The following GALM variants were observed in gnomAD, a reference collection of about 807,000 sequenced individuals.
The protein encoded by GALM is galactose mutarotase.
In GALM, 43 loss-of-function variants were observed where a neutral mutation model predicts 37.4. The ratio of observed to expected loss-of-function variants is 1.15; its 90% CI spans 0.90 to 1.48. The LOEUF is 1.48. GALM is among the 40% of genes most tolerant of loss of function. The probability of loss-of-function intolerance (pLI) is 0.00; values close to 1 mark genes in which losing one functional copy is unlikely to be tolerated. For missense variants in GALM, 456 were observed against 419.1 expected (o/e 1.09, Z -0.77); for synonymous variants, 199 against 170.6 (o/e 1.17, Z -1.30).
At chr2:38,673,809 CAA>C (rs373671218) in intron 1 of GALM, among the ~76,000 whole-genome samples, 15 of 84,456 alleles carry the variant, frequency 1.8e-4, no homozygotes, top group Admixed American at 4.0e-4. Context: ...GACTCCGTCT[CAA>C]AAAAAAAAAA....
At chr2:38,697,864 C>T (rs979645734) in intron 4 of GALM, among the ~76,000 whole-genome samples, 1 of 152,148 alleles carries the variant, frequency 6.6e-6, no homozygotes, top group Non-Finnish European at 1.5e-5. Flanking sequence ...TAGACCTCTA[C>T]CCCAGGCAGG....
intron 3 of GALM, among the ~76,000 whole-genome samples, chr2:38,683,570 C>T (rs1474503443): frequency 6.6e-6 from 1 of 151,686 alleles, no homozygotes; most frequent in East Asian, 1.9e-4. Context: ...TTAGATTGTC[C>T]TCTTTTTTTT....
At chr2:38,724,731 C>A (rs754124391) in intron 4 of GALM, among the ~76,000 whole-genome samples, 4 of 152,142 alleles carry the variant, frequency 2.6e-5, no homozygotes, top group Non-Finnish European at 5.9e-5. Context: ...CCTCTGTGCC[C>A]TCTGCTCTGT....
intron 4 of GALM, among the ~76,000 whole-genome samples, chr2:38,693,431 C>G (rs1451368224): frequency 6.6e-6 from 1 of 150,844 alleles, no homozygotes; most frequent in Non-Finnish European, 1.5e-5. Flanking sequence ...TGCAGTGAGC[C>G]CAGATCACGC....
At chr2:38,730,433 A>G (rs1324996621) in intron 5 of GALM, among the ~76,000 whole-genome samples, 1 of 151,976 alleles carries the variant, frequency 6.6e-6, no homozygotes, top group African/African-American at 2.4e-5. Flanking sequence ...TGCCCAGCTA[A>G]TTTTTGTATT....
At chr2:38,730,133 C>T (rs548425025) in intron 5 of GALM, among the ~76,000 whole-genome samples, 1 of 152,354 alleles carries the variant, frequency 6.6e-6, no homozygotes, top group African/African-American at 2.4e-5. Flanking sequence ...CACTTGTGTG[C>T]ACGCTCTCGC....
At chr2:38,725,346 G>A (rs369477554) in intron 4 of GALM, among the ~76,000 whole-genome samples, 27 of 150,436 alleles carry the variant, frequency 1.8e-4, no homozygotes, top group African/African-American at 6.4e-4. Flanking sequence ...ACCAGCCTGC[G>A]CAACAAAGTG....
intron 4 of GALM, 140 bp downstream of exon 4, chr2:38,690,034 T>C: frequency 1.7e-6 from 1 of 585,876 alleles, no homozygotes; most frequent in Non-Finnish European, 3.0e-6. Context: ...TGGTAATTTC[T>C]TAGTTTTGAT....
intron 3 of GALM, among the ~76,000 whole-genome samples, chr2:38,681,865 G>T (rs1665406192): frequency 6.6e-6 from 1 of 152,158 alleles, no homozygotes; most frequent in Non-Finnish European, 1.5e-5. Flanking sequence ...AATGGGCATG[G>T]TCCAGCTCCT....
chr2:38,705,972 C>T (rs572619308), intron 4 of GALM, among the ~76,000 whole-genome samples: 12 of 152,144 alleles, frequency 7.9e-5, no homozygotes, highest in South Asian at 2.1e-4. Context: ...CTCAGCCTCC[C>T]GAGTAGCAGG....
At chr2:38,675,526 GTTTTTTTTTTTTTTTTT>G (rs869119386) in intron 1 of GALM, among the ~76,000 whole-genome samples, 13 of 74,620 alleles carry the variant, frequency 1.7e-4, no homozygotes, top group South Asian at 1.7e-3. Flanking sequence ...GGGTTTTTTT[GTTTTTTTTTTTTTTTTT>G]TGTGTGTGTG....
At chr2:38,700,428 T>C (rs778867396) in intron 4 of GALM, among the ~76,000 whole-genome samples, 2 of 152,192 alleles carry the variant, frequency 1.3e-5, no homozygotes, top group Non-Finnish European at 2.9e-5. Context: ...TGGGTGCATA[T>C]ATATTTAGAA....
At chr2:38,712,295 G>A (rs1353340736) in intron 4 of GALM, among the ~76,000 whole-genome samples, 8 of 152,208 alleles carry the variant, frequency 5.3e-5, no homozygotes, top group Non-Finnish European at 1.2e-4. Context: ...TACAGATTGT[G>A]CTCACTGAAG....
At chr2:38,672,057 A>C (rs1665119626) in intron 1 of GALM, among the ~76,000 whole-genome samples, 2 of 151,948 alleles carry the variant, frequency 1.3e-5, no homozygotes, top group African/African-American at 2.4e-5. Context: ...AAAAAACCCT[A>C]TTCCTCCAAA....
At chr2:38,715,982 G>C (rs1666263384) in intron 4 of GALM, among the ~76,000 whole-genome samples, 1 of 152,220 alleles carries the variant, frequency 6.6e-6, no homozygotes, top group East Asian at 1.9e-4. Flanking sequence ...AAGAAAGCCA[G>C]CCTTTAAATC....
At chr2:38,685,664 G>A (rs904142659) in intron 3 of GALM, among the ~76,000 whole-genome samples, 8 of 152,036 alleles carry the variant, frequency 5.3e-5, no homozygotes, top group African/African-American at 7.2e-5. Flanking sequence ...AGATCATTGC[G>A]TTTTTCCAGC....
chr2:38,726,380 C>G (rs536696318), intron 4 of GALM, among the ~76,000 whole-genome samples: 15 of 151,442 alleles, frequency 9.9e-5, no homozygotes, highest in Admixed American at 1.3e-4. Flanking sequence ...GCGCCCGCCA[C>G]TACGCCCGGC....
intron 4 of GALM, among the ~76,000 whole-genome samples, chr2:38,716,080 T>C (rs770490173): frequency 6.6e-6 from 1 of 152,192 alleles, no homozygotes; most frequent in Non-Finnish European, 1.5e-5. Flanking sequence ...GTAACAGTGA[T>C]TGGTAATCCA....
At chr2:38,672,672 A>G (rs188163543) in intron 1 of GALM, among the ~76,000 whole-genome samples, 230 of 152,204 alleles carry the variant, frequency 1.5e-3, no homozygotes, top group African/African-American at 5.2e-3. Context: ...ACATCTGTAA[A>G]TTGGGATAGT....
Sources: gnomAD v4.1 joint callset for allele counts (sites outside exome capture counted in the v4.1 genomes callset) on GRCh38, gnomAD v4.1.1 for gene constraint, MANE v1.5 for transcripts, NCBI Gene and HGNC (gene_info 2026-07-23, HGNC 2026-07-21) for gene names.